The following MYH4 variants were observed in gnomAD, a reference collection of about 807,000 sequenced individuals.
MYH4 encodes the protein myosin-4.
A neutral mutation model predicts 229.9 loss-of-function variants in MYH4; 200 were observed. The ratio of observed to expected loss-of-function variants is 0.87; its 90% CI spans 0.78 to 0.98. The LOEUF is 0.98. Ranked by LOEUF, MYH4 falls within the 50% of genes least tolerant of loss-of-function variation. MYH4 has a pLI of 0.00. For synonymous variants in MYH4, 761 were observed against 834.6 expected (o/e 0.91, Z 1.52); for missense variants, 2,148 against 2,332.6 (o/e 0.92, Z 1.63).
chr17:10,445,403 T>TA, intron 35 of MYH4, 41 bp from the exon 36 acceptor site: 1 of 1,611,030 alleles, frequency 6.2e-7, no homozygotes, highest in Non-Finnish European at 8.5e-7. Context: ...CACATTTACT[T>TA]ATAACAACTC....
In MYH4 at chr17:10,443,392, CT is replaced by C; in HGVS notation, c.5802del (p.Val1935SerfsTer2). The part of the protein sequence containing the change: ...LRVKSREVHT[K>X]VISEE ...AGAATGAATTACTCTTCACTTATGA[CT>C]TTTGTGTGAACCTCCCGACTCTTCA... On this transcript the variant is annotated frameshift_variant, in exon 40 of 40. Coordinates refer to ENST00000255381, the MANE Select transcript of MYH4 (RefSeq NM_017533.2). LOFTEE classifies it high-confidence loss of function. The surrounding 1 kb of genome is among the most constrained non-coding windows in gnomAD (Gnocchi z 4.6). 1 of 1,614,010 alleles carries C rather than the reference CT, an allele frequency of 6.2e-7. No homozygotes were observed. The highest frequency in any genetic ancestry group is 8.5e-7 in the Non-Finnish European group (1 of 1,179,998).
chr17:10,443,875 T>C lies in MYH4; in HGVS notation c.5668-348A>G, dbSNP rs1407358396. ...TTGCAGTGAGCTGAGATTGTGCCAT[T>C]GCACTCCAGCCTGGGCAACAAGAGC... On this transcript the variant is annotated intron_variant, in intron 39 of 39. Coordinates refer to ENST00000255381, the MANE Select transcript of MYH4 (RefSeq NM_017533.2). This position sits in a 1 kb window ranked among gnomAD's most constrained non-coding sequence, Gnocchi z 4.6. Among the ~76,000 whole-genome samples, 3 of 151,090 alleles carry C rather than the reference T, an allele frequency of 2.0e-5. No individual in the cohort carries two copies. Among genetic ancestry groups the C allele is most frequent in the Admixed American group, 2.0e-4 (3 of 15,154 alleles).
intron 7 of MYH4, 54 bp from the exon 8 acceptor site, chr17:10,463,697 C>T: frequency 1.4e-6 from 2 of 1,385,958 alleles, no homozygotes; most frequent in Non-Finnish European, 2.0e-6. Context: ...AAATAATTTC[C>T]CATTGACCTC....
At chr17:10,453,577 T>G in intron 23 of MYH4, 66 bp downstream of exon 23, 2 of 1,609,560 alleles carry the variant, frequency 1.2e-6, no homozygotes, top group Non-Finnish European at 1.7e-6. Context: ...TAAGATTAAA[T>G]TTTTAATTAA....
intron 17 of MYH4, 107 bp from the exon 18 acceptor site, chr17:10,456,008 A>G (rs1298085287): frequency 5.9e-6 from 8 of 1,364,414 alleles, no homozygotes; most frequent in Non-Finnish European, 8.2e-6. Context: ...TGTCTCAAGG[A>G]AAAACAAATT....
intron 7 of MYH4, among the ~76,000 whole-genome samples, chr17:10,463,987 T>G (rs190672562): frequency 3.3e-5 from 5 of 152,314 alleles, no homozygotes; most frequent in Admixed American, 3.3e-4. Context: ...CTGCTATGAT[T>G]TTGAAGCACC....
At chr17:10,456,459 A>G (rs1167197933) in intron 17 of MYH4, 26 bp downstream of exon 17, 3 of 1,554,200 alleles carry the variant, frequency 1.9e-6, no homozygotes, top group Non-Finnish European at 8.7e-7. Flanking sequence ...GAAAGTATTT[A>G]TCTGTAATTC....
rs2072493250 is a variant in MYH4, at chr17:10,444,881, C to T, written c.5485G>A (p.Glu1829Lys). Residue 1829 changes from glutamate to lysine, a missense_variant, in exon 38 of 40, where the codon GAG becomes AAG. Coordinates refer to ENST00000255381, the MANE Select transcript of MYH4 (RefSeq NM_017533.2). ...LEARVRELES[E>K]VESEQKHNVE... ...TTGTGCTTCTGTTCACTTTCCACCT[C>T]ACTTTCAAGCTCTCTCACCTGGAAG... The T allele has an allele frequency of 6.2e-7, 1 of 1,614,040 alleles. No homozygotes were observed. Among genetic ancestry groups the T allele is most frequent in the Admixed American group, 1.7e-5 (1 of 60,002 alleles).
At position 10,464,574 on chromosome 17, in the gene MYH4, A is replaced by G. The variant is rs1434634072; in HGVS notation, c.546T>C (p.Gly182=). 3.7e-6 allele frequency: 6 copies of G among 1,614,104 alleles called. No homozygotes were observed. Among genetic ancestry groups the G allele is most frequent in the Non-Finnish European group, 4.2e-6 (5 of 1,179,994 alleles). The change falls in exon 7 of 40, where the codon GGT becomes GGC. Residue 182 remains glycine, a synonymous_variant. Transcript: ENST00000255381. The part of the protein sequence containing the change: ...NQSILITGES[G]AGKTVNTKRV... Reference sequence around the variant, plus strand: ...GCTTCGTGTTCACAGTCTTCCCTGCACCAGATTCTCCACTATCAAGTTCAA... The same window carrying G: ...GCTTCGTGTTCACAGTCTTCCCTGCGCCAGATTCTCCACTATCAAGTTCAA...
At position 10,454,783 on chromosome 17, in the gene MYH4, G is replaced by A; in HGVS notation, c.2463C>T (p.Asn821=). 6.2e-7 allele frequency: 1 copy of A among 1,614,178 alleles called. No homozygotes were observed. The highest frequency in any genetic ancestry group is 8.5e-7 in the Non-Finnish European group (1 of 1,180,028). Residue 821 remains asparagine, a synonymous_variant, in exon 22 of 40, where the codon AAC becomes AAT. Coordinates refer to ENST00000255381, the MANE Select transcript of MYH4 (RefSeq NM_017533.2). ...GCTTCACATTCATGAAAGCACGGAT[G>A]TTGTACTGAATGCAGAAGATGGACT... ...RRESIFCIQY[N]IRAFMNVKHW... is the part of the protein sequence containing the mutation.
Position 10,462,885 on chromosome 17 carries a change from C to T in MYH4, c.988G>A (p.Glu330Lys), listed in dbSNP as rs775748832. 1 of 1,613,784 alleles carries T rather than the reference C, an allele frequency of 6.2e-7. No homozygotes were observed. The highest frequency in any genetic ancestry group is 1.3e-5 in the African/African-American group (1 of 74,906). The change falls in exon 11 of 40, where the codon GAA (glutamate) becomes AAA (lysine). Residue 330 changes from glutamate (E) to lysine (K), a missense_variant. Physicochemically the swap from Glu to Lys is moderately conservative, Grantham distance 56. Coordinates refer to ENST00000255381, the MANE Select transcript of MYH4 (RefSeq NM_017533.2). ...EITVPSIDDQ[E>K]ELMATDSAVD... ...CTTACATCTGTGGCCATCAGCTCTT[C>T]CTGGTCATCAATGCTGGGCACAGTA...
rs61745308 is a variant in MYH4, at chr17:10,452,087, T to G, written c.3592A>C (p.Lys1198Gln). 4 of 1,613,846 alleles carry G rather than the reference T, an allele frequency of 2.5e-6. No homozygotes were observed. The African/African-American group carries it at 5.3e-5, about 22-fold the overall frequency. The change falls in exon 27 of 40, where the codon AAG (lysine) becomes CAG (glutamine). Residue 1198 changes from lysine to glutamine, a missense_variant. Coordinates refer to ENST00000255381, the MANE Select transcript of MYH4 (RefSeq NM_017533.2). ...TCAGCCACACTATCTGCGTGCTTCTTCCGAAGAGCAGCTGCCGTGGCTTCG... is the reference window on the plus strand; with the variant it reads ...TCAGCCACACTATCTGCGTGCTTCTGCCGAAGAGCAGCTGCCGTGGCTTCG... ...QHEATAAALR[K>Q]KHADSVAELG...
At chr17:10,447,274 TATGGTC>T in intron 34 of MYH4, 58 bp from the exon 35 acceptor site, 2 of 1,451,498 alleles carry the variant, frequency 1.4e-6, no homozygotes, top group South Asian at 2.4e-5. Context: ...AATGCAAACT[TATGGTC>T]ATGTACACTC....
chr17:10,451,174 T>A, intron 28 of MYH4, 152 bp downstream of exon 28: 1 of 1,101,518 alleles, frequency 9.1e-7, no homozygotes, highest in Non-Finnish European at 1.3e-6. Flanking sequence ...AATCATTGCA[T>A]TTTACTGTCT....
At chr17:10,455,465 T>C in intron 19 of MYH4, 149 bp downstream of exon 19, 3 of 1,304,906 alleles carry the variant, frequency 2.3e-6, no homozygotes, top group Middle Eastern at 2.2e-4. Flanking sequence ...GAAAAACTTA[T>C]GATAATATAA....
rs138720288 is a variant in MYH4 at position 10,462,757 on chromosome 17, G to T, written c.1008+108C>A. ...CAAAAGTAAGAAAGCCCAAAGGGTT[G>T]TATTACCTATTTATAGTCTTTCTGC... On this transcript the variant is annotated intron_variant, in intron 11 of 39. Transcript: ENST00000255381. The T allele has an allele frequency of 1.8e-4, 154 of 853,794 alleles. No individual in the cohort carries two copies. In the African/African-American group the frequency reaches 2.4e-3, roughly 13 times the overall value. The allele number at this position is 853,794 out of a possible 1,614,324, so 52.9% of individuals were successfully genotyped here.
Position 10,466,593 on chromosome 17 carries a change from TA to T in MYH4, c.152del (p.Ile51LysfsTer10). 6.2e-7 allele frequency: 1 copy of T among 1,614,038 alleles called. No homozygotes were observed. Among genetic ancestry groups the T allele is most frequent in the Non-Finnish European group, 8.5e-7 (1 of 1,180,038 alleles). On this transcript the variant is annotated frameshift_variant, in exon 3 of 40. Coordinates refer to ENST00000255381, the MANE Select transcript of MYH4 (RefSeq NM_017533.2). LOFTEE classifies it high-confidence loss of function. ...CCTTCCCCCCTTCCCTGCTCTGCAC[TA>T]TTGCTTTCACGTAGGACTCCTTAGG... ...VDPKESYVKA[I>X]VQSREGGKVT...
intron 25 of MYH4, 123 bp downstream of exon 25, chr17:10,452,664 G>T (rs541548754): frequency 1.5e-6 from 2 of 1,297,344 alleles, no homozygotes; most frequent in Non-Finnish European, 2.1e-6. Context: ...AAATAAAAAG[G>T]TCAAAGATGT....
At chr17:10,456,405 TA>T (rs2072638523) in intron 17 of MYH4, 79 bp downstream of exon 17, 2 of 1,177,402 alleles carry the variant, frequency 1.7e-6, no homozygotes, top group African/African-American at 1.5e-5. Context: ...TCACCATAAA[TA>T]TCTTTTAAAA....
Sources: allele counts gnomAD v4.1 joint callset (sites outside exome capture counted in the v4.1 genomes callset), GRCh38; gene constraint gnomAD v4.1.1; non-coding constraint Gnocchi (gnomAD v3.1); transcripts MANE v1.5; gene names NCBI Gene and HGNC (gene_info 2026-07-23, HGNC 2026-07-21).